The following NUP214 variants were observed in gnomAD, a reference collection of about 807,000 sequenced individuals.
NUP214 encodes the protein nucleoporin 214.
NUP214 carries 79 observed loss-of-function variants against 196.2 expected under a neutral mutation model. The ratio of observed to expected loss-of-function variants is 0.40; its 90% CI spans 0.34 to 0.49. NUP214 has a LOEUF of 0.49. NUP214 is among the 20% of genes least tolerant of loss of function. The probability of loss-of-function intolerance (pLI) is 0.58; values close to 1 mark genes in which losing one functional copy is unlikely to be tolerated. For synonymous variants in NUP214, 1,020 were observed against 990.5 expected (o/e 1.03, Z -0.56); for missense variants, 2,468 against 2,539.0 (o/e 0.97, Z 0.60).
At chr9:131,217,448 A>C (rs1281893273) in intron 31 of NUP214, among the ~76,000 whole-genome samples, 1 of 152,224 alleles carries the variant, frequency 6.6e-6, no homozygotes, top group Non-Finnish European at 1.5e-5. Flanking sequence ...GTTCATGCTG[A>C]AGCAGGGGTC....
chr9:131,229,831 T>C, intron 33 of NUP214: 1 of 497,800 alleles, frequency 2.0e-6, no homozygotes, highest in Admixed American at 2.2e-5. Context: ...TAAAAGTGAA[T>C]AGAATGGTGG....
intron 21 of NUP214, among the ~76,000 whole-genome samples, chr9:131,168,231 C>T (rs1047091403): frequency 6.6e-6 from 1 of 152,174 alleles, no homozygotes; most frequent in African/African-American, 2.4e-5. Flanking sequence ...TGAGATTTAT[C>T]AGCCTTTTCT....
At chr9:131,169,886 G>C (rs1287582569) in intron 21 of NUP214, among the ~76,000 whole-genome samples, 2 of 152,098 alleles carry the variant, frequency 1.3e-5, no homozygotes, top group African/African-American at 4.8e-5. Context: ...TGCCTTTCTT[G>C]GTGTTTTACA....
rs66652901 is a variant in NUP214, at chr9:131,192,169, C to CTTTT, written c.3575-16_3575-13dup. ...AGTGTTTCTGTCTTTTTGTAATATT[C>CTTTT]TTTTTTTTTTTTTTTTTTTTTTTTT... is the stretch of plus-strand genomic sequence containing the variant. On this transcript the variant is annotated intron_variant, in intron 26 of 35. Coordinates refer to ENST00000359428, the MANE Select transcript of NUP214 (RefSeq NM_005085.4). 4.4e-3 allele frequency: 1,962 copies of CTTTT among 447,418 alleles called. 183 individuals carry two copies. Among genetic ancestry groups the CTTTT allele is most frequent in the South Asian group, 7.3e-3 (234 of 31,966 alleles). The allele number at this position is 447,418 out of a possible 1,614,324, so 27.7% of individuals were successfully genotyped here. A position where few individuals can be genotyped will look rare whatever the true frequency, so the allele number is the denominator to read the frequency against.
intron 18 of NUP214, among the ~76,000 whole-genome samples, chr9:131,160,526 C>T (rs1350477132): frequency 1.3e-5 from 2 of 152,136 alleles, no homozygotes; most frequent in African/African-American, 2.4e-5. Flanking sequence ...ACCATGAGAG[C>T]ATGAAGTGCC....
In NUP214 at chr9:131,144,449, T is replaced by C. The variant is rs781546026; in HGVS notation, c.1464T>C (p.Ser488=). 1.9e-6 allele frequency: 3 copies of C among 1,614,198 alleles called. No individual in the cohort carries two copies. Among genetic ancestry groups the C allele is most frequent in the Non-Finnish European group, 2.5e-6 (3 of 1,180,036 alleles). ...CTGTGTTCTCCTTTGGTTCTTCATC[T>C]TTGAAGTCATCTGCTACGGTCACTG... is the stretch of plus-strand genomic sequence containing the variant. The part of the protein sequence containing the change: ...APTVFSFGSS[S]LKSSATVTGE... The change falls in exon 12 of 36, where the codon TCT becomes TCC. Residue 488 remains serine, a synonymous_variant. Transcript: ENST00000359428.
Position 131,147,579 on chromosome 9 carries a change from C to A in NUP214, c.2035C>A (p.Pro679Thr). ...ITPPAAKPGS[P>T]QAKSLQPAVA... ...CCCTCCAGCGGCAAAGCCAGGCTCT[C>A]CCCAGGTATGTTTAAATTCAGCTTG... Residue 679 changes from proline to threonine, a missense_variant, in exon 14 of 36, where the codon CCC (proline) becomes ACC (threonine). Pro to Thr is a conservative substitution (Grantham distance 38, BLOSUM62 -1). Coordinates refer to ENST00000359428, the MANE Select transcript of NUP214 (RefSeq NM_005085.4). 6.2e-7 allele frequency: 1 copy of A among 1,610,402 alleles called. No individual in the cohort carries two copies. Among genetic ancestry groups the A allele is most frequent in the Non-Finnish European group, 8.5e-7 (1 of 1,176,782 alleles).
chr9:131,141,010 C>G (rs1588127666), intron 11 of NUP214, among the ~76,000 whole-genome samples: 3 of 151,844 alleles, frequency 2.0e-5, no homozygotes, highest in Non-Finnish European at 4.4e-5. Flanking sequence ...GATGTGCATC[C>G]AAAAGACATT....
Position 131,197,452 on chromosome 9 carries a change from C to T in NUP214, c.3958C>T (p.Leu1320Phe), listed in dbSNP as rs376395513. Residue 1320 changes from leucine to phenylalanine, a missense_variant, in exon 29 of 36, where the codon CTT (leucine) becomes TTT (phenylalanine). By Grantham distance (22) the Leu-to-Phe change is conservative. Coordinates refer to ENST00000359428, the MANE Select transcript of NUP214 (RefSeq NM_005085.4). ...AACCCCACCGTCCAAGCTGGGAGAG[C>T]TTCTGTTTCCAAGTTCTTTGGCTGG... ...LETPPSKLGE[L>F]LFPSSLAGET... is the part of the protein sequence containing the mutation. The T allele has an allele frequency of 3.0e-4, 488 of 1,614,040 alleles. No homozygotes were observed. Among genetic ancestry groups the T allele is most frequent in the Non-Finnish European group, 4.1e-4 (479 of 1,180,038 alleles).
intron 27 of NUP214, among the ~76,000 whole-genome samples, chr9:131,193,629 CTTTTTTTTTTTTTT>C (rs71389402): frequency 0.01 from 295 of 28,238 alleles, 5 homozygotes; most frequent in Admixed American, 0.015. Context: ...TCTTCCTTTT[CTTTTTTTTTTTTTT>C]TTTTTTTTTT....
chr9:131,178,559 C>A, intron 24 of NUP214, 149 bp downstream of exon 24: 2 of 609,300 alleles, frequency 3.3e-6, no homozygotes, highest in Non-Finnish European at 5.8e-6. Flanking sequence ...CCTGCCTACA[C>A]AATGCATTTT....
chr9:131,215,188 C>T, intron 30 of NUP214, 24 bp from the exon 31 acceptor site: 5 of 1,489,830 alleles, frequency 3.4e-6, no homozygotes, highest in South Asian at 1.4e-5. Context: ...TCCTATCTTG[C>T]TTCCTGACCC....
rs780335060 is a variant in NUP214 at position 131,128,430 on chromosome 9, A to G, written c.340A>G (p.Ser114Gly). Residue 114 changes from serine (S) to glycine (G), a missense_variant, in exon 3 of 36, where the codon AGT (serine) becomes GGT (glycine). Ser to Gly is a moderately conservative substitution (Grantham distance 56). This residue lies in a region of NUP214 where 392 missense variants were observed against 417.9 expected (regional missense o/e 0.94). Coordinates refer to ENST00000359428, the MANE Select transcript of NUP214 (RefSeq NM_005085.4). Reference protein sequence around the residue: ...NLTLSACMMSSEYGSIIAFFD... With the variant: ...NLTLSACMMSGEYGSIIAFFD... ...CACACTCTCTGCGTGCATGATGTCC[A>G]GTGAATATGGTTCCATTATTGCTTT... is the stretch of plus-strand genomic sequence containing the variant. 7 of 1,613,708 alleles carry G rather than the reference A, an allele frequency of 4.3e-6. No individual in the cohort carries two copies. Among genetic ancestry groups the G allele is most frequent in the Non-Finnish European group, 5.9e-6 (7 of 1,179,796 alleles).
Position 131,192,195 on chromosome 9 carries a change from T to TA in NUP214, c.3575-13_3575-12insA. On this transcript the variant is annotated splice_polypyrimidine_tract_variant and intron_variant, in intron 26 of 35. Coordinates refer to ENST00000359428, the MANE Select transcript of NUP214 (RefSeq NM_005085.4). ...TTTTTTTTTTTTTTTTTTTTTTTTT[T>TA]CCATAATTTCAGGGACAGCCAAGAT... is the stretch of plus-strand genomic sequence containing the variant. The TA allele has an allele frequency of 4.9e-6, 6 of 1,224,626 alleles. No individual in the cohort carries two copies. Among genetic ancestry groups the TA allele is most frequent in the African/African-American group, 1.6e-5 (1 of 61,408 alleles). 75.9% of individuals were successfully genotyped at this position (1,224,626 alleles called of 1,614,324 possible). A position where few individuals can be genotyped will look rare whatever the true frequency, so the allele number is the denominator to read the frequency against.
At chr9:131,221,977 GA>G (rs972698493) in intron 31 of NUP214, among the ~76,000 whole-genome samples, 4 of 151,966 alleles carry the variant, frequency 2.6e-5, no homozygotes, top group East Asian at 1.9e-4. Context: ...TGTAACAGGT[GA>G]AAAAAAATTC....
intron 22 of NUP214, among the ~76,000 whole-genome samples, chr9:131,174,776 T>G (rs192782496): frequency 7.9e-4 from 120 of 152,278 alleles, no homozygotes; most frequent in African/African-American, 2.9e-3. Context: ...TCTGCTTATA[T>G]TCTAGAAATT....
chr9:131,176,968 AC>A (rs1168953026), intron 23 of NUP214, among the ~76,000 whole-genome samples: 2 of 151,964 alleles, frequency 1.3e-5, no homozygotes, highest in Non-Finnish European at 2.9e-5. Flanking sequence ...TGCATAAGAC[AC>A]CCCCACAACA....
Position 131,128,445 on chromosome 9 carries a change from A to G in NUP214, c.355A>G (p.Ile119Val), listed in dbSNP as rs769078327. Residue 119 changes from isoleucine (I) to valine (V), a missense_variant, in exon 3 of 36, where the codon ATT becomes GTT. Ile to Val is a conservative substitution (Grantham distance 29). Coordinates refer to ENST00000359428, the MANE Select transcript of NUP214 (RefSeq NM_005085.4). ...CATGATGTCCAGTGAATATGGTTCC[A>G]TTATTGCTTTTTTTGATGTTCGCAC... is the stretch of plus-strand genomic sequence containing the variant. ...ACMMSSEYGS[I>V]IAFFDVRTFS... The G allele has an allele frequency of 3.1e-6, 5 of 1,613,288 alleles. No individual in the cohort carries two copies. Among genetic ancestry groups the G allele is most frequent in the East Asian group, 2.2e-5 (1 of 44,842 alleles).
At position 131,146,086 on chromosome 9, in the gene NUP214, T is replaced by C. The variant is rs746613992; in HGVS notation, c.1770-43T>C. 6.3e-7 allele frequency: 1 copy of C among 1,581,276 alleles called. No homozygotes were observed. Among genetic ancestry groups the C allele is most frequent in the South Asian group, 1.1e-5 (1 of 90,134 alleles). ...TTGCTCATGCTAGTGTAAAAGAATC[T>C]TCTAGCAGGCTCTTCTGAGGCCTTC... On this transcript the variant is annotated intron_variant, in intron 12 of 35. Coordinates refer to ENST00000359428, the MANE Select transcript of NUP214 (RefSeq NM_005085.4). This position sits in a 1 kb window ranked among gnomAD's most constrained non-coding sequence, Gnocchi z 4.6.
Sources: allele counts gnomAD v4.1 joint callset (sites outside exome capture counted in the v4.1 genomes callset), GRCh38; gene constraint gnomAD v4.1.1; regional missense constraint gnomAD v4.1.1; non-coding constraint Gnocchi (gnomAD v3.1); transcripts MANE v1.5; gene names NCBI Gene and HGNC (gene_info 2026-07-23, HGNC 2026-07-21).